The following INSL6 variants were observed in gnomAD, a reference collection of about 807,000 sequenced individuals.
The protein encoded by INSL6 is insulin-like peptide INSL6.
INSL6 carries 16 observed loss-of-function variants against 9.4 expected under a neutral mutation model. That is an observed-to-expected ratio of 1.70 (90% CI 1.15 to 2.59). INSL6 has a LOEUF of 2.59. Among genes scored for constraint, INSL6 ranks in the 30% most tolerant of loss-of-function variants. INSL6 has a pLI of 0.00. For missense variants in INSL6, 391 were observed against 257.3 expected (o/e 1.52, Z -3.56); for synonymous variants, 154 against 96.9 (o/e 1.59, Z -3.46).
At chr9:4,994,470 A>T in the INSL6 span, among the ~76,000 whole-genome samples, 3 of 152,160 alleles carry the variant, frequency 2.0e-5, no homozygotes, top group East Asian at 5.8e-4. Flanking sequence ...AGGTGATCTG[A>T]TAATGTTGAT....
the INSL6 span, among the ~76,000 whole-genome samples, chr9:5,082,542 G>C: frequency 3.0e-4 from 46 of 152,382 alleles, no homozygotes; most frequent in African/African-American, 9.6e-4. Context: ...GCAGGAGACA[G>C]TGGCCTTCCT....
chr9:5,094,984 C>A, the INSL6 span: 1 of 152,142 alleles, frequency 6.6e-6, no homozygotes, highest in African/African-American at 2.4e-5. Context: ...TATCTCAATG[C>A]CTTTCCTAAT....
chr9:5,082,557 T>C, the INSL6 span, among the ~76,000 whole-genome samples: 1 of 152,226 alleles, frequency 6.6e-6, no homozygotes, highest in Non-Finnish European at 1.5e-5. Context: ...CTTCCTCTTT[T>C]ACTAATCCTC....
At chr9:5,139,365 T>C (rs989021267) in intron 2 of INSL6, among the ~76,000 whole-genome samples, 6 of 152,188 alleles carry the variant, frequency 3.9e-5, no homozygotes, top group African/African-American at 1.4e-4. Context: ...TGATAAAATG[T>C]TGACAGTCTT....
At chr9:5,160,581 G>A (rs1310382939), downstream of INSL6, among the ~76,000 whole-genome samples, 1 of 151,848 alleles carries the variant, frequency 6.6e-6, no homozygotes, top group Non-Finnish European at 1.5e-5. Flanking sequence ...GTTAATAGAA[G>A]AAAATAAATA....
At chr9:5,051,157 T>TAA in the INSL6 span, among the ~76,000 whole-genome samples, 1 of 152,138 alleles carries the variant, frequency 6.6e-6, no homozygotes, top group Non-Finnish European at 1.5e-5. Context: ...CAACCTATAA[T>TAA]AAAAAATCAT....
intron 2 of INSL6, among the ~76,000 whole-genome samples, chr9:5,153,359 G>A (rs1032060653): frequency 6.6e-6 from 1 of 152,184 alleles, no homozygotes; most frequent in African/African-American, 2.4e-5. Context: ...GTGCACGGAG[G>A]AGCATCCGCC....
chr9:5,067,490 T>C, the INSL6 span, among the ~76,000 whole-genome samples: 1 of 152,084 alleles, frequency 6.6e-6, no homozygotes, highest in African/African-American at 2.4e-5. Flanking sequence ...TTAATTTTTA[T>C]AAAATGCAAC....
At chr9:5,179,169 GA>G (rs1294747380) in intron 1 of INSL6, among the ~76,000 whole-genome samples, 1 of 151,402 alleles carries the variant, frequency 6.6e-6, no homozygotes, top group Non-Finnish European at 1.5e-5. Context: ...AAATTTACAA[GA>G]AAAAAACAAC....
At chr9:5,080,486 T>G in the INSL6 span, 1 of 1,547,760 alleles carries the variant, frequency 6.5e-7, no homozygotes, top group South Asian at 1.2e-5. Flanking sequence ...AGAAGGTTGG[T>G]GTGGCATTAC....
At chr9:5,044,863 A>G in the INSL6 span, among the ~76,000 whole-genome samples, 1 of 152,154 alleles carries the variant, frequency 6.6e-6, no homozygotes, top group East Asian at 1.9e-4. Flanking sequence ...ACATTTCTTT[A>G]TGGTTTTTAA....
At chr9:5,041,460 G>A in the INSL6 span, 13 of 608,992 alleles carry the variant, frequency 2.1e-5, no homozygotes, top group Admixed American at 2.9e-4. Context: ...CCCTGGCAGG[G>A]GCTCAAGGCT....
the INSL6 span, among the ~76,000 whole-genome samples, chr9:4,994,351 G>T: frequency 3.3e-5 from 5 of 152,156 alleles, no homozygotes; most frequent in Non-Finnish European, 7.3e-5. Context: ...GTTCTTATCA[G>T]AATTACCTAA....
At chr9:5,013,463 T>G in the INSL6 span, among the ~76,000 whole-genome samples, 5 of 152,352 alleles carry the variant, frequency 3.3e-5, no homozygotes, top group African/African-American at 7.2e-5. Context: ...ATTCTTGGCT[T>G]CTTCTTCAGA....
At chr9:5,071,884 A>G in the INSL6 span, among the ~76,000 whole-genome samples, 39 of 152,356 alleles carry the variant, frequency 2.6e-4, no homozygotes, top group South Asian at 7.9e-3. Context: ...ATTACTTTGT[A>G]AAGATATGCA....
At chr9:5,111,647 TCGTCCCTCC>T in the INSL6 span, 2 of 387,642 alleles carry the variant, frequency 5.2e-6, no homozygotes, top group Non-Finnish European at 1.0e-5. Flanking sequence ...CTCATGCCCC[TCGTCCCTCC>T]CGCCCAGCAG....
downstream of INSL6, among the ~76,000 whole-genome samples, chr9:5,121,583 G>C (rs1823618528): frequency 6.6e-6 from 1 of 152,120 alleles, no homozygotes; most frequent in Admixed American, 6.6e-5. Context: ...GAATTCCCAA[G>C]AGATAGTTAC....
At chr9:5,032,583 C>T in the INSL6 span, among the ~76,000 whole-genome samples, 1 of 152,178 alleles carries the variant, frequency 6.6e-6, no homozygotes, top group African/African-American at 2.4e-5. Context: ...ACATTTGCTG[C>T]TCACCAATAT....
the INSL6 span, chr9:5,098,688 C>T: frequency 6.6e-6 from 1 of 151,630 alleles, no homozygotes. Context: ...AAGAATTAAG[C>T]TTCAATTCCT....
Sources: gnomAD v4.1 joint callset for allele counts (sites outside exome capture counted in the v4.1 genomes callset) on GRCh38, gnomAD v4.1.1 for gene constraint, MANE v1.5 for transcripts, NCBI Gene and HGNC (gene_info 2026-07-23, HGNC 2026-07-21) for gene names.